Variants in PIGX observed in about 807,000 individuals in gnomAD.
The protein encoded by PIGX is phosphatidylinositol glycan anchor biosynthesis class X, also known as GPI alpha-1,4-mannosyltransferase I, stabilizing subunit.
Under a neutral mutation model 28.7 loss-of-function variants are expected in PIGX, and 24 were observed. That is an observed-to-expected ratio of 0.84 (90% CI 0.60 to 1.17). The LOEUF (loss-of-function observed/expected upper bound fraction) is 1.17. Among genes scored for constraint, PIGX ranks in the 50% most tolerant of loss-of-function variants. The pLI, the probability that PIGX is intolerant of heterozygous loss-of-function variation, is 0.00. For missense variants in PIGX, 305 were observed against 317.8 expected, an observed-to-expected ratio of 0.96 and a Z score of 0.31; for synonymous variants, 127 against 121.0, an observed-to-expected ratio of 1.05 and a Z score of -0.33.
At chr3:196,728,758 C>T (rs1712625052) in intron 4 of PIGX, 1 of 766,220 alleles carries the variant, frequency 1.3e-6, no homozygotes, top group Non-Finnish European at 2.4e-6. Flanking sequence ...AACTATAGGT[C>T]AGTGCTGTGT....
rs1712965344 is a variant in PIGX, at chr3:196,735,308, A to AAAAAAAAAAAAAAAAAAAAAAAG, written c.*1422_*1423insAAAAAAGAAAAAAAAAAAAAAAA. The AAAAAAAAAAAAAAAAAAAAAAAG allele has an allele frequency of 6.7e-6, 1 of 148,344 alleles. No individual in the cohort carries two copies. Among genetic ancestry groups the AAAAAAAAAAAAAAAAAAAAAAAG allele is most frequent in the African/African-American group, 2.5e-5 (1 of 39,708 alleles). The allele number at this position is 148,344 out of a possible 1,614,324, so 9.2% of individuals were successfully genotyped here. ...AGACTCTGTCTCAAAAAAAAAAAAA[A>AAAAAAAAAAAAAAAAAAAAAAAG]AAAAAAAAAAAAAAAAGTAAATAAA... On this transcript the variant is annotated 3_prime_UTR_variant, in exon 6 of 6. Coordinates refer to ENST00000392391, the MANE Select transcript of PIGX (RefSeq NM_017861.4).
intron 2 of PIGX, among the ~76,000 whole-genome samples, chr3:196,721,592 T>C (rs1712325349): frequency 6.6e-6 from 1 of 151,698 alleles, no homozygotes; most frequent in Non-Finnish European, 1.5e-5. Flanking sequence ...CACATCACCA[T>C]GTCTGGCTAA....
At chr3:196,713,656 G>A (rs9863311) in intron 1 of PIGX, among the ~76,000 whole-genome samples, 58,449 of 151,576 alleles carry the variant, frequency 0.39, 11,407 homozygotes, top group East Asian at 0.56. Flanking sequence ...GGCTTCCAAC[G>A]TTAGCATTTT....
rs1042257577 is a variant in PIGX, at chr3:196,729,845, G to A, written c.533-1147G>A. On this transcript the variant is annotated intron_variant, in intron 4 of 5. Transcript: ENST00000392391. ...AGCACTTTGGGAGGCCGAGGCAGGC[G>A]GATCAGTTGAGGTCAGGAGTTCGAA... 1.3e-4 allele frequency among the ~76,000 whole-genome samples: 19 copies of A among 151,538 alleles called. 1 individual carries two copies. The Middle Eastern group carries it at 0.017, about 137-fold the overall frequency.
intron 2 of PIGX, among the ~76,000 whole-genome samples, chr3:196,721,868 T>C (rs1712338749): frequency 6.6e-6 from 1 of 152,130 alleles, no homozygotes; most frequent in Non-Finnish European, 1.5e-5. Context: ...TTCTCCTGCC[T>C]CAGCCTCCTG....
intron 1 of PIGX, among the ~76,000 whole-genome samples, chr3:196,716,499 T>C (rs532458639): frequency 6.6e-6 from 1 of 152,310 alleles, no homozygotes; most frequent in Admixed American, 6.5e-5. Flanking sequence ...AACACTTACA[T>C]AGAACACTTA....
Position 196,712,633 on chromosome 3 carries a change from G to A in PIGX, c.101G>A (p.Arg34His), listed in dbSNP as rs996418927. 2 of 1,189,062 alleles carry A rather than the reference G, an allele frequency of 1.7e-6. No individual in the cohort carries two copies. Among genetic ancestry groups the A allele is most frequent in the Non-Finnish European group, 2.1e-6 (2 of 960,352 alleles). The allele number at this position is 1,189,062 out of a possible 1,614,324, so 73.7% of individuals were successfully genotyped here. Residue 34 changes from arginine (R) to histidine (H), a missense_variant, in exon 1 of 6, where the codon CGC becomes CAC. Transcript: ENST00000392391. ...CCCGCCGCGGCCTTCACCGCCGCGCGCTCTGACGCCGGTAAGGGGGGCGGG... is the reference window on the plus strand; with the variant it reads ...CCCGCCGCGGCCTTCACCGCCGCGCACTCTGACGCCGGTAAGGGGGGCGGG...
chr3:196,716,765 G>A (rs898818018), intron 1 of PIGX, 93 bp from the exon 2 acceptor site: 4 of 559,272 alleles, frequency 7.2e-6, no homozygotes, highest in African/African-American at 6.0e-5. Context: ...TTCTAGGCAA[G>A]TAAAGCCTAC....
intron 2 of PIGX, among the ~76,000 whole-genome samples, chr3:196,717,581 T>G (rs1712152480): frequency 6.6e-6 from 1 of 152,290 alleles, no homozygotes; most frequent in East Asian, 1.9e-4. Context: ...GGTTGTTATA[T>G]ATATACAACT....
At position 196,712,656 on chromosome 3, in the gene PIGX, G is replaced by C; in HGVS notation, c.112+12G>C. On this transcript the variant is annotated intron_variant, in intron 1 of 5. Transcript: ENST00000392391. ...GCGCTCTGACGCCGGTAAGGGGGGCGGGGCTTGGGGGGCCAGAGCGTGGGA... is the reference window on the plus strand; with the variant it reads ...GCGCTCTGACGCCGGTAAGGGGGGCCGGGCTTGGGGGGCCAGAGCGTGGGA... 1.7e-6 allele frequency: 2 copies of C among 1,185,454 alleles called. No individual in the cohort carries two copies. The highest frequency in any genetic ancestry group is 8.4e-5 in the South Asian group (2 of 23,792). 73.4% of individuals were successfully genotyped at this position (1,185,454 alleles called of 1,614,324 possible). A position where few individuals can be genotyped will look rare whatever the true frequency, so the allele number is the denominator to read the frequency against.
At chr3:196,725,222 A>C (rs2049233) in intron 3 of PIGX, among the ~76,000 whole-genome samples, 1 of 152,012 alleles carries the variant, frequency 6.6e-6, no homozygotes. Context: ...TTTTGAAACC[A>C]TAAGTTTTAC....
intron 1 of PIGX, chr3:196,713,151 A>T: frequency 1.1e-6 from 1 of 921,910 alleles, no homozygotes. Context: ...GGAAAGCACA[A>T]ACCCTACAAG....
chr3:196,716,361 G>C (rs540465721), intron 1 of PIGX, among the ~76,000 whole-genome samples: 1 of 152,048 alleles, frequency 6.6e-6, no homozygotes, highest in Non-Finnish European at 1.5e-5. Context: ...TATAGAAGTT[G>C]CCAGTATGTA....
At chr3:196,732,796 C>G (rs1012822786) in intron 5 of PIGX, among the ~76,000 whole-genome samples, 4 of 152,096 alleles carry the variant, frequency 2.6e-5, no homozygotes, top group African/African-American at 9.7e-5. Context: ...AAGTTACGTA[C>G]ATTTTAATGT....
intron 3 of PIGX, 23 bp downstream of exon 3, chr3:196,722,579 T>G: frequency 6.2e-7 from 1 of 1,601,008 alleles, no homozygotes; most frequent in Non-Finnish European, 8.5e-7. Flanking sequence ...GGGGATTTTT[T>G]GGGAGAGAAA....
chr3:196,720,739 T>C (rs1346843463), intron 2 of PIGX, among the ~76,000 whole-genome samples: 1 of 128,458 alleles, frequency 7.8e-6, no homozygotes, highest in African/African-American at 2.9e-5. Flanking sequence ...CACATACTTA[T>C]CATTTCTGAT....
chr3:196,732,838 T>C (rs3850647), intron 5 of PIGX, among the ~76,000 whole-genome samples: 57,628 of 151,968 alleles, frequency 0.38, 11,037 homozygotes, highest in East Asian at 0.55. Flanking sequence ...GTATAAACTT[T>C]CCCAGTGTTT....
chr3:196,728,108 C>T lies in PIGX; in HGVS notation c.504C>T (p.Asn168=), dbSNP rs779292069. 18 of 1,613,882 alleles carry T rather than the reference C, an allele frequency of 1.1e-5. No homozygotes were observed. In the African/African-American group the frequency reaches 2.1e-4, roughly 19 times the overall value. Residue 168 remains asparagine (N), a synonymous_variant, in exon 4 of 6, where the codon AAC becomes AAT. Coordinates refer to ENST00000392391, the MANE Select transcript of PIGX (RefSeq NM_017861.4). ...GAGAAGCCTCGATTGTGGTCAATAA[C>T]CCAGATTTGTTGATGTTTTGTGACC... is the stretch of plus-strand genomic sequence containing the variant.
intron 5 of PIGX, 22 bp downstream of exon 5, chr3:196,731,114 T>C: frequency 7.7e-7 from 1 of 1,299,582 alleles, no homozygotes; most frequent in South Asian, 1.2e-5. Flanking sequence ...TTTTATGTTG[T>C]TTTTTAGATC....
Sources: gnomAD v4.1 joint callset for allele counts (sites outside exome capture counted in the v4.1 genomes callset) on GRCh38, gnomAD v4.1.1 for gene constraint, MANE v1.5 for transcripts, NCBI Gene and HGNC (gene_info 2026-07-23, HGNC 2026-07-21) for gene names.